The following DMD variants were observed in gnomAD, a reference collection of about 807,000 sequenced individuals.
The protein encoded by DMD is mutant dystrophin.
A neutral mutation model predicts 330.1 loss-of-function variants in DMD; 63 were observed. The ratio of observed to expected loss-of-function variants is 0.19; its 90% CI spans 0.16 to 0.24. DMD has a LOEUF of 0.24. Among genes scored for constraint, DMD ranks in the 10% least tolerant of loss-of-function variants. The pLI, the probability that DMD is intolerant of heterozygous loss-of-function variation, is 1.00. For synonymous variants in DMD, 1,223 were observed against 959.8 expected (o/e 1.27, Z -5.07); for missense variants, 3,344 against 2,684.1 (o/e 1.25, Z -5.43).
chrX:32,513,408 A>G, intron 18 of DMD, among the ~76,000 whole-genome samples: 1 of 112,755 alleles, frequency 8.9e-6, no homozygotes, highest in Non-Finnish European at 1.9e-5. Context: ...GACCAGCTAC[A>G]GGATTGTCAT....
At chrX:32,069,151 T>G (rs752170426) in intron 44 of DMD, among the ~76,000 whole-genome samples, 59 of 111,443 alleles carry the variant, frequency 5.3e-4, no homozygotes, top group Non-Finnish European at 9.4e-4. Flanking sequence ...TACTTCCTTT[T>G]GGTATGATGG....
chrX:32,970,983 C>G (rs2092357252), intron 2 of DMD, among the ~76,000 whole-genome samples: 1 of 109,322 alleles, frequency 9.1e-6, no homozygotes, highest in Admixed American at 9.8e-5. Flanking sequence ...CTTTTTGAGA[C>G]AGAGGTTCAC....
In DMD at chrX:32,702,969, G is replaced by T. The variant is rs1250732670; in HGVS notation, c.650-3676C>A. Among the ~76,000 whole-genome samples the T allele has an allele frequency of 4.4e-4, 49 of 111,292 alleles. No individual in the cohort carries two copies. In the Admixed American group the frequency reaches 4.4e-3, roughly 10 times the overall value. ...TGGTAACAAGTAGACACCAACAAAA[G>T]TTTCAATCTACCCTATTTATTCATT... On this transcript the variant is annotated intron_variant, in intron 7 of 78. Coordinates refer to ENST00000357033, the MANE Select transcript of DMD (RefSeq NM_004006.3).
intron 16 of DMD, among the ~76,000 whole-genome samples, chrX:32,549,962 C>A (rs958525182): frequency 2.7e-5 from 3 of 112,576 alleles, no homozygotes; most frequent in African/African-American, 9.6e-5. Flanking sequence ...TTAGGAATCA[C>A]TACAAGTCAT....
At chrX:32,398,410 A>G (rs1417727707) in intron 30 of DMD, among the ~76,000 whole-genome samples, 1 of 110,690 alleles carries the variant, frequency 9.0e-6, no homozygotes. Flanking sequence ...GTTCCTTGAC[A>G]TATGAGTTTT....
intron 2 of DMD, among the ~76,000 whole-genome samples, chrX:32,889,884 C>T (rs775039938): frequency 1.7e-3 from 184 of 111,083 alleles, no homozygotes; most frequent in African/African-American, 5.8e-3. Context: ...CTCGGAGGGG[C>T]GTGACAATCA....
At chrX:33,132,284 T>A (rs2095504002) in intron 1 of DMD, among the ~76,000 whole-genome samples, 1 of 111,976 alleles carries the variant, frequency 8.9e-6, no homozygotes, top group South Asian at 3.7e-4. Flanking sequence ...CTTTTGGATA[T>A]CTCCCTTAAT....
intron 4 of DMD, among the ~76,000 whole-genome samples, chrX:32,827,193 C>T (rs895181020): frequency 9.2e-6 from 1 of 108,444 alleles, no homozygotes; most frequent in African/African-American, 3.4e-5. Context: ...TCACGGAAGC[C>T]CAAGGGGTAA....
At chrX:33,227,519 T>C (rs186177335) in intron 1 of DMD, among the ~76,000 whole-genome samples, 3 of 111,017 alleles carry the variant, frequency 2.7e-5, no homozygotes, top group Non-Finnish European at 5.7e-5. Flanking sequence ...TTCTTAGTTG[T>C]GCATATTTTT....
intron 47 of DMD, among the ~76,000 whole-genome samples, chrX:31,912,905 G>A (rs2094564515): frequency 8.9e-6 from 1 of 112,949 alleles, no homozygotes; most frequent in Admixed American, 9.4e-5. Flanking sequence ...GATACAAACA[G>A]AAGCTTGATA....
chrX:31,354,316 C>T (rs2058563453), intron 60 of DMD, among the ~76,000 whole-genome samples: 1 of 111,063 alleles, frequency 9.0e-6, no homozygotes, highest in South Asian at 3.8e-4. Context: ...TTGAATGAAT[C>T]ATTTCTTTTT....
intron 1 of DMD, among the ~76,000 whole-genome samples, chrX:33,269,158 T>A (rs775968357): frequency 1.8e-4 from 20 of 110,989 alleles, no homozygotes; most frequent in African/African-American, 6.5e-4. Context: ...TGTCACACAA[T>A]TCACAATAGC....
chrX:33,153,680 C>T (rs916617844), intron 1 of DMD, among the ~76,000 whole-genome samples: 1 of 112,250 alleles, frequency 8.9e-6, no homozygotes, highest in Non-Finnish European at 1.9e-5. Flanking sequence ...CTGTTAAAAG[C>T]TGTGGGGCAC....
intron 44 of DMD, among the ~76,000 whole-genome samples, chrX:32,187,886 T>G (rs1417025282): frequency 9.0e-6 from 1 of 111,164 alleles, no homozygotes; most frequent in Non-Finnish European, 1.9e-5. Flanking sequence ...TGCCACAAAA[T>G]GTAAATGTAT....
chrX:32,815,520 T>TATATATATACACAC lies in DMD; in HGVS notation c.530+947_530+948insGTGTGTATATATAT. ...ATATATATATATATATATATATATA[T>TATATATATACACAC]ACACACACACACACACATATATATA... On this transcript the variant is annotated intron_variant, in intron 6 of 78. Coordinates refer to ENST00000357033, the MANE Select transcript of DMD (RefSeq NM_004006.3). Among the ~76,000 whole-genome samples the TATATATATACACAC allele has an allele frequency of 7.2e-3, 564 of 78,845 alleles. 5 individuals carry two copies. Among genetic ancestry groups the TATATATATACACAC allele is most frequent in the East Asian group, 9.7e-3 (26 of 2,669 alleles). The allele number at this position is 78,845 out of a possible 115,157, so 68.5% of individuals were successfully genotyped here. A position where few individuals can be genotyped will look rare whatever the true frequency, so the allele number is the denominator to read the frequency against.
At chrX:32,384,882 A>T (rs1244103057) in intron 33 of DMD, among the ~76,000 whole-genome samples, 1 of 111,470 alleles carries the variant, frequency 9.0e-6, no homozygotes, top group Non-Finnish European at 1.9e-5. Context: ...TTAAAATGTT[A>T]GAAGTCCATT....
chrX:32,485,853 T>G (rs1304694427), intron 20 of DMD, among the ~76,000 whole-genome samples: 1 of 103,975 alleles, frequency 9.6e-6, no homozygotes, highest in Non-Finnish European at 2.0e-5. Context: ...AAGCGATTCT[T>G]CTGCCTCAGC....
At chrX:31,694,649 T>TATATATATAC (rs1156942395) in intron 52 of DMD, among the ~76,000 whole-genome samples, 73 of 75,625 alleles carry the variant, frequency 9.7e-4, no homozygotes, top group African/African-American at 4.0e-3. Context: ...TATATATATA[T>TATATATATAC]ACACACACAT....
intron 34 of DMD, among the ~76,000 whole-genome samples, chrX:32,373,533 A>G (rs2147365717): frequency 8.9e-6 from 1 of 112,076 alleles, no homozygotes; most frequent in South Asian, 3.7e-4. Flanking sequence ...ATACACTTCA[A>G]TAGTCTTATG....
Sources: gnomAD v4.1 joint callset for allele counts (sites outside exome capture counted in the v4.1 genomes callset) on GRCh38, gnomAD v4.1.1 for gene constraint, MANE v1.5 for transcripts, NCBI Gene and HGNC (gene_info 2026-07-23, HGNC 2026-07-21) for gene names.